RIMBP2: variants seen among roughly 807,000 people sequenced by gnomAD.
RIMBP2 encodes the protein RIMS-binding protein 2.
RIMBP2 carries 48 observed loss-of-function variants against 118.6 expected under a neutral mutation model. That is an observed-to-expected ratio of 0.40 (90% CI 0.32 to 0.51). RIMBP2 has a LOEUF of 0.51. Ranked by LOEUF, RIMBP2 falls within the 20% of genes least tolerant of loss-of-function variation. The pLI, the probability that RIMBP2 is intolerant of heterozygous loss-of-function variation, is 0.41. For synonymous variants in RIMBP2, 762 were observed against 742.9 expected (o/e 1.03, Z -0.42); for missense variants, 1,551 against 1,768.3 (o/e 0.88, Z 2.20).
chr12:130,506,910 G>A, intron 3 of RIMBP2, 140 bp from the exon 4 acceptor site: 1 of 605,882 alleles, frequency 1.7e-6, no homozygotes. Context: ...CATGGACTGG[G>A]TCCACTCCTA....
chr12:130,709,869 A>G (rs1327046214), intron 1 of RIMBP2, among the ~76,000 whole-genome samples: 1 of 152,112 alleles, frequency 6.6e-6, no homozygotes, highest in Non-Finnish European at 1.5e-5. Flanking sequence ...TGCTGCCAAA[A>G]TGGCCAAATG....
chr12:130,599,987 A>G (rs537221086), intron 2 of RIMBP2, among the ~76,000 whole-genome samples: 1 of 152,286 alleles, frequency 6.6e-6, no homozygotes, highest in East Asian at 1.9e-4. Flanking sequence ...TCAGAAACTG[A>G]AAAGAATGTA....
intron 2 of RIMBP2, among the ~76,000 whole-genome samples, chr12:130,565,627 G>A (rs1566273038): frequency 3.3e-5 from 5 of 152,050 alleles, no homozygotes; most frequent in Admixed American, 1.3e-4. Context: ...CCTTAACTCC[G>A]AGATTCCTGC....
At chr12:130,668,765 G>A (rs568097266) in intron 1 of RIMBP2, among the ~76,000 whole-genome samples, 1 of 152,076 alleles carries the variant, frequency 6.6e-6, no homozygotes, top group South Asian at 2.1e-4. Flanking sequence ...TTCTCTCTCT[G>A]GGCACAGCAC....
At chr12:130,635,128 T>G (rs1216044585) in intron 1 of RIMBP2, among the ~76,000 whole-genome samples, 1 of 152,170 alleles carries the variant, frequency 6.6e-6, no homozygotes, top group East Asian at 1.9e-4. Context: ...GTTAAGGACA[T>G]GCCTTTCATC....
chr12:130,444,990 G>T (rs765524473), intron 10 of RIMBP2, among the ~76,000 whole-genome samples, 170 bp downstream of exon 10: 9 of 152,172 alleles, frequency 5.9e-5, no homozygotes, highest in Admixed American at 1.3e-4. Flanking sequence ...CTTTCCAGTC[G>T]TCAAAGAGGG....
At chr12:130,407,603 TC>T in intron 20 of RIMBP2, 122 bp downstream of exon 20, 2 of 829,748 alleles carry the variant, frequency 2.4e-6, no homozygotes, top group Non-Finnish European at 4.2e-6. Context: ...CGGCAGCCCT[TC>T]CTACGGATGG....
chr12:130,651,539 C>T (rs1203627303), intron 1 of RIMBP2: 1 of 152,222 alleles, frequency 6.6e-6, no homozygotes, highest in African/African-American at 2.4e-5. Flanking sequence ...GGAGCCTGCC[C>T]ACGGCACAGC....
At chr12:130,664,731 A>G (rs78384108) in intron 1 of RIMBP2, among the ~76,000 whole-genome samples, 2,754 of 151,942 alleles carry the variant, frequency 0.018, 179 homozygotes, top group African/African-American at 0.064. Context: ...TGTCCAAAAG[A>G]CATGGGAACC....
intron 3 of RIMBP2, among the ~76,000 whole-genome samples, chr12:130,512,062 T>C (rs2050967955): frequency 6.6e-6 from 1 of 152,198 alleles, no homozygotes; most frequent in Non-Finnish European, 1.5e-5. Flanking sequence ...TGATCCCACC[T>C]GGATAGAGGA....
chr12:130,561,788 C>G (rs993499481), intron 2 of RIMBP2, among the ~76,000 whole-genome samples: 3 of 152,116 alleles, frequency 2.0e-5, no homozygotes, highest in African/African-American at 7.2e-5. Flanking sequence ...AGTTTTCAAA[C>G]TCTCCTTTAA....
chr12:130,576,082 C>T lies in RIMBP2; in HGVS notation c.-217+52240G>A, dbSNP rs1217078201. On this transcript the variant is annotated intron_variant, in intron 2 of 22. Transcript: ENST00000690449. The surrounding 1 kb of genome is among the most constrained non-coding windows in gnomAD (Gnocchi z 4.2). ...ATCACAGTGGGAACTGTGTACTCTG[C>T]AGGGAGGCTGGTGCGGGGGGACCGT... Among the ~76,000 whole-genome samples, 2 of 151,548 alleles carry T rather than the reference C, an allele frequency of 1.3e-5. No individual in the cohort carries two copies. The highest frequency in any genetic ancestry group is 1.3e-4 in the Admixed American group (2 of 15,226).
intron 2 of RIMBP2, among the ~76,000 whole-genome samples, chr12:130,609,212 A>G (rs1208236619): frequency 6.6e-6 from 1 of 151,980 alleles, no homozygotes; most frequent in Non-Finnish European, 1.5e-5. Flanking sequence ...ACCCCCACGT[A>G]TGAACTGAGT....
rs534650515 is a variant in RIMBP2, at chr12:130,475,370, G to A, written c.102+3542C>T. On this transcript the variant is annotated intron_variant, in intron 5 of 22. Coordinates refer to ENST00000690449, the MANE Select transcript of RIMBP2 (RefSeq NM_001393629.1). This position sits in a 1 kb window ranked among gnomAD's most constrained non-coding sequence, Gnocchi z 4.1. Reference sequence around the variant, plus strand: ...CTGAATGTCCAGCACCCTCTCAAGGGTGGTCAGGTCTGGGGGTGAAGCTGA... The same window carrying A: ...CTGAATGTCCAGCACCCTCTCAAGGATGGTCAGGTCTGGGGGTGAAGCTGA... Among the ~76,000 whole-genome samples the A allele has an allele frequency of 2.0e-5, 3 of 152,308 alleles. No homozygotes were observed. In the South Asian group the frequency reaches 6.2e-4, roughly 32 times the overall value.
At chr12:130,694,688 A>C (rs2065488003) in intron 1 of RIMBP2, among the ~76,000 whole-genome samples, 1 of 152,198 alleles carries the variant, frequency 6.6e-6, no homozygotes, top group South Asian at 2.1e-4. Context: ...CCACTGCGGC[A>C]ACTTTCCTTG....
chr12:130,409,474 C>G (rs899249335), intron 19 of RIMBP2, among the ~76,000 whole-genome samples: 1 of 151,046 alleles, frequency 6.6e-6, no homozygotes, highest in Admixed American at 6.6e-5. Context: ...TCCTGAGTAG[C>G]TGGGACTGCA....
Position 130,442,614 on chromosome 12 carries a change from C to G in RIMBP2, c.738G>C (p.Val246=). The G allele has an allele frequency of 1.2e-6, 2 of 1,614,196 alleles. No homozygotes were observed. Among genetic ancestry groups the G allele is most frequent in the Non-Finnish European group, 1.7e-6 (2 of 1,180,032 alleles). ...GQRGLVPSNF[V]DFVQDNESRL... ...GCGACTCGTTGTCCTGCACAAAGTC[C>G]ACGAAGTTGGAGGGCACCAGACCCC... The change falls in exon 11 of 23, where the codon GTG becomes GTC. Residue 246 remains valine, a synonymous_variant. Coordinates refer to ENST00000690449, the MANE Select transcript of RIMBP2 (RefSeq NM_001393629.1). The surrounding 1 kb of genome is among the most constrained non-coding windows in gnomAD (Gnocchi z 6.9).
At position 130,408,019 on chromosome 12, in the gene RIMBP2, T is replaced by C. The variant is rs186971109; in HGVS notation, c.3590-190A>G. 7.6e-4 allele frequency among the ~76,000 whole-genome samples: 115 copies of C among 152,264 alleles called. 1 individual carries two copies. Among genetic ancestry groups the C allele is most frequent in the African/African-American group, 2.6e-3 (110 of 41,566 alleles). The stretch of plus-strand genomic sequence containing the variant: ...GTCAGTGGTCTGGGACTCCATATTC[T>C]TATATTTTTGCTGTAGTATGGTTTC... On this transcript the variant is annotated intron_variant, in intron 19 of 22. Coordinates refer to ENST00000690449, the MANE Select transcript of RIMBP2 (RefSeq NM_001393629.1).
chr12:130,606,542 C>T (rs1376289537), intron 2 of RIMBP2, among the ~76,000 whole-genome samples: 1 of 152,188 alleles, frequency 6.6e-6, no homozygotes, highest in Non-Finnish European at 1.5e-5. Flanking sequence ...GCTGAGCCAA[C>T]AAGTCCCAAA....
Sources: allele counts gnomAD v4.1 joint callset (sites outside exome capture counted in the v4.1 genomes callset), GRCh38; gene constraint gnomAD v4.1.1; non-coding constraint Gnocchi (gnomAD v3.1); transcripts MANE v1.5; gene names NCBI Gene and HGNC (gene_info 2026-07-23, HGNC 2026-07-21).